The following RPP40 variants were observed in gnomAD, a reference collection of about 807,000 sequenced individuals.
RPP40 encodes ribonuclease P/MRP subunit p40, also known as ribonuclease P protein subunit p40.
A neutral mutation model predicts 42.5 loss-of-function variants in RPP40; 30 were observed. The ratio of observed to expected loss-of-function variants is 0.71; its 90% CI spans 0.53 to 0.96. The LOEUF (loss-of-function observed/expected upper bound fraction) is 0.96, where lower values mean the gene tolerates loss of function less well. RPP40 is among the 40% of genes least tolerant of loss of function. The probability of loss-of-function intolerance (pLI) is 0.00; values close to 1 mark genes in which losing one functional copy is unlikely to be tolerated. For missense variants in RPP40, 426 were observed against 433.5 expected, an observed-to-expected ratio of 0.98 and a Z score of 0.15; for synonymous variants, 173 against 164.0, an observed-to-expected ratio of 1.05 and a Z score of -0.42.
chr6:5,002,780 G>T lies in RPP40; in HGVS notation c.124-535C>A, dbSNP rs530106399. Among the ~76,000 whole-genome samples, 4 of 152,276 alleles carry T rather than the reference G, an allele frequency of 2.6e-5. No homozygotes were observed. In the East Asian group the frequency reaches 7.7e-4, roughly 29 times the overall value. On this transcript the variant is annotated intron_variant, in intron 1 of 7. Transcript: ENST00000380051. ...CAGGCGAGTTAAAGTATACATCCCT[G>T]ACTGCTGTGATGAGCTTGACATCCA...
rs755504695 is a variant in RPP40, at chr6:4,995,151, T to C, written c.1019A>G (p.Asn340Ser). Residue 340 changes from asparagine (N) to serine (S), a missense_variant, in exon 8 of 8, where the codon AAC (asparagine) becomes AGC (serine). Physicochemically the swap from Asn to Ser is conservative, Grantham distance 46 (BLOSUM62 1). Coordinates refer to ENST00000380051, the MANE Select transcript of RPP40 (RefSeq NM_006638.4). ...GFRKGGEHLY[N>S]FVIFNNQDYW... Reference sequence around the variant, plus strand: ...GTCCTGATTATTAAAAATCACAAAGTTATATAAATGTTCTCCTCCTTTTCG... The same window carrying C: ...GTCCTGATTATTAAAAATCACAAAGCTATATAAATGTTCTCCTCCTTTTCG... 5 of 1,613,988 alleles carry C rather than the reference T, an allele frequency of 3.1e-6. No homozygotes were observed. The Admixed American group carries it at 6.7e-5, about 22-fold the overall frequency.
chr6:4,998,837 A>T lies in RPP40; in HGVS notation c.438T>A (p.Val146=), dbSNP rs763525520. Residue 146 remains valine (V), a synonymous_variant, in exon 5 of 8, where the codon GTT becomes GTA. Coordinates refer to ENST00000380051, the MANE Select transcript of RPP40 (RefSeq NM_006638.4). ...FSGRKIMKFI[V]SIDLMELSLN... ...AGGATAATTCCATCAAATCAATGGA[A>T]ACAACTTTAAAAATGAAAAAAAGAA... The T allele has an allele frequency of 1.1e-5, 16 of 1,410,818 alleles. No homozygotes were observed. In the South Asian group the frequency reaches 2.0e-4, roughly 18 times the overall value. The allele number at this position is 1,410,818 out of a possible 1,614,324, so 87.4% of individuals were successfully genotyped here. A position where few individuals can be genotyped will look rare whatever the true frequency, so the allele number is the denominator to read the frequency against.
At chr6:4,993,309 C>T (rs1759286083), downstream of RPP40, among the ~76,000 whole-genome samples, 1 of 152,190 alleles carries the variant, frequency 6.6e-6, no homozygotes, top group Admixed American at 6.5e-5. Context: ...TGCTGTTAAA[C>T]CAACCAGTGG....
intron 1 of RPP40, 42 bp downstream of exon 1, chr6:5,003,838 G>A: frequency 6.3e-7 from 1 of 1,585,316 alleles, no homozygotes. Context: ...TCGCACGCGG[G>A]GACTGAGCAC....
chr6:4,990,007 C>T (rs1759241591), downstream of RPP40, among the ~76,000 whole-genome samples: 1 of 152,138 alleles, frequency 6.6e-6, no homozygotes, highest in Admixed American at 6.5e-5. Flanking sequence ...CTGATTTGTT[C>T]CTGACGTTGG....
At chr6:4,998,878 T>C in intron 4 of RPP40, 37 bp from the exon 5 acceptor site, 7 of 1,282,892 alleles carry the variant, frequency 5.5e-6, no homozygotes, top group Non-Finnish European at 7.4e-6. Flanking sequence ...ATTTCATTCA[T>C]ATACGTACAG....
rs996508107 is a variant in RPP40 at position 5,000,689 on chromosome 6, T to C, written c.269-58A>G. 18 of 1,042,248 alleles carry C rather than the reference T, an allele frequency of 1.7e-5. No individual in the cohort carries two copies. The African/African-American group carries it at 2.6e-4, about 15-fold the overall frequency. 64.6% of individuals were successfully genotyped at this position (1,042,248 alleles called of 1,614,324 possible). A position where few individuals can be genotyped will look rare whatever the true frequency, so the allele number is the denominator to read the frequency against. On this transcript the variant is annotated intron_variant, in intron 2 of 7. Transcript: ENST00000380051. ...ACAAGAAATTACACCTGCAAGATGT[T>C]AGTGGATTATTTTTACAAGATAACC... is the stretch of plus-strand genomic sequence containing the variant.
chr6:4,995,345 T>C (rs1759341465), intron 7 of RPP40, 69 bp from the exon 8 acceptor site: 6 of 1,094,680 alleles, frequency 5.5e-6, no homozygotes, highest in Non-Finnish European at 8.0e-6. Flanking sequence ...TTAAAAAATT[T>C]ATTCAGGATA....
intron 5 of RPP40, among the ~76,000 whole-genome samples, chr6:4,997,712 A>G (rs1759424740): frequency 6.6e-6 from 1 of 152,088 alleles, no homozygotes; most frequent in African/African-American, 2.4e-5. Context: ...TGACTAATAC[A>G]TTTTGGCTAC....
chr6:4,992,602 A>C (rs1306575233), downstream of RPP40, among the ~76,000 whole-genome samples: 2 of 152,080 alleles, frequency 1.3e-5, no homozygotes, highest in Non-Finnish European at 2.9e-5. Flanking sequence ...TTTAAAGTAC[A>C]TTTCTTGTAG....
At chr6:4,990,033 T>C (rs1483663116), downstream of RPP40, among the ~76,000 whole-genome samples, 1 of 152,228 alleles carries the variant, frequency 6.6e-6, no homozygotes, top group African/African-American at 2.4e-5. Context: ...TGGGGAATAT[T>C]GTCTTTCACA....
intron 4 of RPP40, among the ~76,000 whole-genome samples, chr6:4,999,370 C>T (rs1398575219): frequency 1.4e-5 from 2 of 141,008 alleles, no homozygotes; most frequent in Non-Finnish European, 3.0e-5. Flanking sequence ...GCGATCTTGG[C>T]TCACTGCAAA....
chr6:4,995,328 C>A (rs1759340566), intron 7 of RPP40, 52 bp from the exon 8 acceptor site: 2 of 1,309,422 alleles, frequency 1.5e-6, no homozygotes, highest in South Asian at 1.3e-5. Context: ...TTAGGAATGT[C>A]TGCATTTTAA....
At chr6:5,000,859 CAAGCATGCAGAAGACA>C (rs1414270933) in intron 2 of RPP40, among the ~76,000 whole-genome samples, 11,788 of 142,446 alleles carry the variant, frequency 0.083, 2,382 homozygotes, top group African/African-American at 0.17. Flanking sequence ...TGCAGAAGAC[CAAGCATGCAGAAGACA>C]AAGCTTGCAG....
At chr6:4,996,842 T>C (rs1017892123) in intron 5 of RPP40, among the ~76,000 whole-genome samples, 8 of 152,198 alleles carry the variant, frequency 5.3e-5, no homozygotes, top group Admixed American at 3.9e-4. Context: ...CAGCTTGACT[T>C]TGAAAACCCA....
At position 4,999,840 on chromosome 6, in the gene RPP40, A is replaced by G; in HGVS notation, c.402T>C (p.Ser134=). The G allele has an allele frequency of 6.2e-7, 1 of 1,606,646 alleles. No homozygotes were observed. Among genetic ancestry groups the G allele is most frequent in the Non-Finnish European group, 8.5e-7 (1 of 1,173,650 alleles). ...YEETGLQGHP[S]QFSGRKIMKF... ...TCATAATTTTTCTGCCAGAAAACTG[A>G]GATGGATGACCCTGAAGTCCAGTTT... Residue 134 remains serine (S), a synonymous_variant, in exon 4 of 8, where the codon TCT becomes TCC. Coordinates refer to ENST00000380051, the MANE Select transcript of RPP40 (RefSeq NM_006638.4).
In RPP40 at chr6:4,999,832, G is replaced by A; in HGVS notation, c.410C>T (p.Ser137Phe). 6.2e-7 allele frequency: 1 copy of A among 1,603,268 alleles called. No individual in the cohort carries two copies. Among genetic ancestry groups the A allele is most frequent in the Non-Finnish European group, 8.5e-7 (1 of 1,170,920 alleles). ...TGLQGHPSQFSGRKIMKFIVS... is the reference protein window; with the variant it reads ...TGLQGHPSQFFGRKIMKFIVS... ...ACTAAATTTCATAATTTTTCTGCCA[G>A]AAAACTGAGATGGATGACCCTGAAG... The change falls in exon 4 of 8, where the codon TCT (serine) becomes TTT (phenylalanine). Residue 137 changes from serine (S) to phenylalanine (F), a missense_variant. Transcript: ENST00000380051.
rs775731795 is a variant in RPP40, at chr6:5,003,966, G to A, written c.37C>T (p.His13Tyr). 1.2e-5 allele frequency: 20 copies of A among 1,612,732 alleles called. No individual in the cohort carries two copies. The South Asian group carries it at 2.1e-4, about 17-fold the overall frequency. The change falls in exon 1 of 8, where the codon CAC becomes TAC. Residue 13 changes from histidine to tyrosine, a missense_variant. His to Tyr is a moderately conservative substitution (Grantham distance 83). Coordinates refer to ENST00000380051, the MANE Select transcript of RPP40 (RefSeq NM_006638.4). ...TTGGATTTCTCGCAAACCAGTAAGTGCCGCGGCGCCTCCCGAAGCCGGCGC... is the reference window on the plus strand; with the variant it reads ...TTGGATTTCTCGCAAACCAGTAAGTACCGCGGCGCCTCCCGAAGCCGGCGC... ...TLRRLREAPR[H>Y]LLVCEKSNFG... is the part of the protein sequence containing the mutation.
rs377509626 is a variant in RPP40, at chr6:5,002,087, C to T, written c.268+14G>A. 8.6e-5 allele frequency: 139 copies of T among 1,608,554 alleles called. No homozygotes were observed. The highest frequency in any genetic ancestry group is 1.2e-4 in the Non-Finnish European group (136 of 1,177,006). ...CATCCAGCCTTGTTCACAGCCATTT[C>T]AGGTTTTTCTTACCTTTCTTTATAA... is the stretch of plus-strand genomic sequence containing the variant. On this transcript the variant is annotated intron_variant, in intron 2 of 7. Transcript: ENST00000380051.
Sources: allele counts gnomAD v4.1 joint callset (sites outside exome capture counted in the v4.1 genomes callset), GRCh38; gene constraint gnomAD v4.1.1; transcripts MANE v1.5; gene names NCBI Gene and HGNC (gene_info 2026-07-23, HGNC 2026-07-21).